Variants in PTPRN2 observed in about 807,000 individuals in gnomAD.
PTPRN2 encodes receptor-type tyrosine-protein phosphatase N2.
A neutral mutation model predicts 118.8 loss-of-function variants in PTPRN2; 74 were observed. That is an observed-to-expected ratio of 0.62 (90% CI 0.52 to 0.76). The LOEUF (loss-of-function observed/expected upper bound fraction) is 0.76, where lower values mean the gene tolerates loss of function less well. Ranked by LOEUF, PTPRN2 falls within the 30% of genes least tolerant of loss-of-function variation. The pLI is 0.00. For synonymous variants in PTPRN2, 641 were observed against 608.0 expected (o/e 1.05, Z -0.80); for missense variants, 1,481 against 1,394.4 (o/e 1.06, Z -0.99).
chr7:158,166,418 G>C (rs79603430), intron 6 of PTPRN2, among the ~76,000 whole-genome samples: 5,902 of 9,766 alleles, frequency 0.6, 2,335 homozygotes, highest in African/African-American at 0.82. Flanking sequence ...CTCCCCCCGG[G>C]TGCCGCGTTC....
At chr7:158,271,047 C>A (rs1563069195) in intron 3 of PTPRN2, among the ~76,000 whole-genome samples, 1 of 142,166 alleles carries the variant, frequency 7.0e-6, no homozygotes, top group Non-Finnish European at 1.5e-5. Flanking sequence ...ACCTGGGCCT[C>A]CCCCCAACCT....
intron 17 of PTPRN2, among the ~76,000 whole-genome samples, chr7:157,594,551 CCT>C (rs1801176189): frequency 6.6e-6 from 1 of 152,232 alleles, no homozygotes; most frequent in Non-Finnish European, 1.5e-5. Flanking sequence ...CTTAGGAGCT[CCT>C]CTCTGCCAGG....
intron 20 of PTPRN2, among the ~76,000 whole-genome samples, chr7:157,569,790 G>T (rs1177438350): frequency 1.3e-5 from 2 of 152,194 alleles, no homozygotes; most frequent in Non-Finnish European, 2.9e-5. Flanking sequence ...AGTACATAGG[G>T]CTCGTGTTCA....
At position 158,058,772 on chromosome 7, in the gene PTPRN2, G is replaced by C. The variant is rs1268398852; in HGVS notation, c.1723+22526C>G. On this transcript the variant is annotated intron_variant, in intron 11 of 22. Coordinates refer to ENST00000389418, the MANE Select transcript of PTPRN2 (RefSeq NM_002847.5). ...GCCACACTCCATCTGCCCACGGTGA[G>C]ACATCACTGCAGCCACACTCCATCT... is the stretch of plus-strand genomic sequence containing the variant. Among the ~76,000 whole-genome samples the C allele has an allele frequency of 1.0e-3, 81 of 78,192 alleles. 2 individuals are homozygous for C. Among genetic ancestry groups the C allele is most frequent in the African/African-American group, 2.0e-3 (34 of 16,890 alleles). 51.3% of individuals were successfully genotyped at this position (78,192 alleles called of 152,430 possible).
intron 11 of PTPRN2, among the ~76,000 whole-genome samples, chr7:158,070,390 G>GGTGCTCGTGGTGGTGGAC (rs1563386495): frequency 1.4e-5 from 2 of 146,796 alleles, no homozygotes; most frequent in Non-Finnish European, 3.0e-5. Context: ...TGGTGGTGGA[G>GGTGCTCGTGGTGGTGGAC]GTGCTCGTGG....
At chr7:158,059,438 G>C (rs370342973) in intron 11 of PTPRN2, among the ~76,000 whole-genome samples, 348 of 70,398 alleles carry the variant, frequency 4.9e-3, no homozygotes, top group Non-Finnish European at 4.8e-3. Flanking sequence ...CCCACGGTGA[G>C]ACATCACTGC....
intron 3 of PTPRN2, among the ~76,000 whole-genome samples, chr7:158,252,359 GTCACCGTTCGGATGGC>G (rs1365663225): frequency 6.6e-6 from 1 of 152,176 alleles, no homozygotes; most frequent in African/African-American, 2.4e-5. Flanking sequence ...GGTGAGTGGT[GTCACCGTTCGGATGGC>G]TCAGATGAAG....
chr7:158,575,843 C>A (rs1828292129), intron 1 of PTPRN2, among the ~76,000 whole-genome samples: 1 of 151,336 alleles, frequency 6.6e-6, no homozygotes, highest in African/African-American at 2.4e-5. Flanking sequence ...TAGTTATAAC[C>A]AATAATAATT....
intron 10 of PTPRN2, among the ~76,000 whole-genome samples, chr7:158,105,834 C>G (rs2150357254): frequency 6.6e-6 from 1 of 152,130 alleles, no homozygotes; most frequent in African/African-American, 2.4e-5. Context: ...CGCCATGCAG[C>G]CCCATCCAGC....
chr7:158,440,287 C>T (rs1000620662), intron 2 of PTPRN2, among the ~76,000 whole-genome samples: 3 of 152,344 alleles, frequency 2.0e-5, no homozygotes, highest in African/African-American at 7.2e-5. Flanking sequence ...GATGGATTGT[C>T]CGTTCCATTC....
intron 22 of PTPRN2, among the ~76,000 whole-genome samples, chr7:157,543,539 C>G (rs1308009806): frequency 6.6e-6 from 1 of 152,228 alleles, no homozygotes. Flanking sequence ...TGCCATGGCT[C>G]TCGGACACCC....
intron 2 of PTPRN2, among the ~76,000 whole-genome samples, chr7:158,337,067 C>G (rs1175633018): frequency 8.9e-5 from 12 of 134,494 alleles, no homozygotes; most frequent in East Asian, 7.0e-4. Context: ...ACCATAAGAG[C>G]TGACACCCGC....
chr7:158,413,959 G>A (rs1761496513), intron 2 of PTPRN2, among the ~76,000 whole-genome samples: 1 of 151,850 alleles, frequency 6.6e-6, no homozygotes, highest in African/African-American at 2.4e-5. Flanking sequence ...GGTCAACATG[G>A]AGAAACCGTG....
At chr7:158,416,016 T>G (rs1161010256) in intron 2 of PTPRN2, among the ~76,000 whole-genome samples, 2 of 152,230 alleles carry the variant, frequency 1.3e-5, no homozygotes, top group African/African-American at 4.8e-5. Context: ...GGAATCTAAG[T>G]GTTAGGTTCT....
rs552416679 is a variant in PTPRN2 at position 158,413,648 on chromosome 7, C to T, written c.163+76087G>A. 1.7e-3 allele frequency among the ~76,000 whole-genome samples: 263 copies of T among 152,338 alleles called. 1 individual carries two copies. The highest frequency in any genetic ancestry group is 6.0e-3 in the African/African-American group (250 of 41,574). On this transcript the variant is annotated intron_variant, in intron 2 of 22. Transcript: ENST00000389418. ...TCAGCAGGCGAGCCCACCCCTCTCCCGGGAGGACTAACAGTGGGAAGACTT... is the reference window on the plus strand; with the variant it reads ...TCAGCAGGCGAGCCCACCCCTCTCCTGGGAGGACTAACAGTGGGAAGACTT...
chr7:158,365,991 G>C (rs948782207), intron 2 of PTPRN2, among the ~76,000 whole-genome samples: 1 of 147,488 alleles, frequency 6.8e-6, no homozygotes, highest in African/African-American at 2.5e-5. Context: ...CAGCATCCCT[G>C]GGAGAAGCTG....
rs117796872 is a variant in PTPRN2, at chr7:158,218,676, G to C, written c.278-13403C>G. Among the ~76,000 whole-genome samples the C allele has an allele frequency of 2.6e-3, 392 of 152,296 alleles. 3 individuals carry two copies. Among genetic ancestry groups the C allele is most frequent in the Middle Eastern group, 0.02 (6 of 294 alleles). ...AAGAGGCAAGACCCAACTGTCTGCT[G>C]TCTTCAAGAACCCATCTCACATGTA... On this transcript the variant is annotated intron_variant, in intron 3 of 22. Transcript: ENST00000389418.
At chr7:157,946,722 C>T (rs1041244623) in intron 11 of PTPRN2, among the ~76,000 whole-genome samples, 1 of 152,206 alleles carries the variant, frequency 6.6e-6, no homozygotes, top group Non-Finnish European at 1.5e-5. Flanking sequence ...CTTTTGTCCA[C>T]AAAATCACAT....
At position 158,493,911 on chromosome 7, in the gene PTPRN2, G is replaced by A. The variant is rs533206777; in HGVS notation, c.113-4126C>T. Among the ~76,000 whole-genome samples the A allele has an allele frequency of 1.1e-4, 17 of 151,892 alleles. 1 individual carries two copies. Among genetic ancestry groups the A allele is most frequent in the East Asian group, 9.7e-4 (5 of 5,136 alleles). ...TATGCATGCACGTACATGGGTGCAC[G>A]TATGCACACGTACATGGGTACACTC... On this transcript the variant is annotated intron_variant, in intron 1 of 22. Transcript: ENST00000389418.
Sources: gnomAD v4.1 joint callset for allele counts (sites outside exome capture counted in the v4.1 genomes callset) on GRCh38, gnomAD v4.1.1 for gene constraint, MANE v1.5 for transcripts, NCBI Gene and HGNC (gene_info 2026-07-23, HGNC 2026-07-21) for gene names.